CREBRF: variants seen among roughly 807,000 people sequenced by gnomAD.
CREBRF encodes the protein UPF0474 protein C5orf41.
CREBRF carries 5 observed loss-of-function variants against 66.1 expected under a neutral mutation model. That is an observed-to-expected ratio of 0.08 (90% confidence interval 0.04 to 0.16). The LOEUF (loss-of-function observed/expected upper bound fraction) is 0.16. CREBRF is among the 10% of genes least tolerant of loss of function. CREBRF has a pLI of 1.00. For missense variants in CREBRF, 531 were observed against 744.9 expected (o/e 0.71, Z 3.34); for synonymous variants, 229 against 264.4 (o/e 0.87, Z 1.30).
intron 7 of CREBRF, among the ~76,000 whole-genome samples, chr5:173,120,382 TTTC>T (rs1759110589): frequency 6.7e-6 from 1 of 149,248 alleles, no homozygotes; most frequent in Non-Finnish European, 1.5e-5. Flanking sequence ...TCTTTCTTTC[TTTC>T]TTTTTTTTTT....
chr5:173,100,436 T>A (rs1758601256), intron 4 of CREBRF, among the ~76,000 whole-genome samples: 1 of 152,002 alleles, frequency 6.6e-6, no homozygotes. Flanking sequence ...CTTTTCTTTT[T>A]TTTTTGGAGA....
intron 4 of CREBRF, among the ~76,000 whole-genome samples, chr5:173,095,216 T>A (rs1758448613): frequency 7.5e-6 from 1 of 132,650 alleles, no homozygotes; most frequent in Non-Finnish European, 1.6e-5. Flanking sequence ...TGAGATGGAG[T>A]CTCGTTCTGT....
chr5:173,106,882 G>A (rs960290478), intron 4 of CREBRF, among the ~76,000 whole-genome samples: 4 of 151,740 alleles, frequency 2.6e-5, no homozygotes, highest in African/African-American at 4.8e-5. Flanking sequence ...CCTGAGTAGC[G>A]GGGATTACAG....
At chr5:173,113,602 C>G (rs1758918428) in intron 7 of CREBRF, among the ~76,000 whole-genome samples, 1 of 152,174 alleles carries the variant, frequency 6.6e-6, no homozygotes. Context: ...GTCACTGCAC[C>G]CGGGCCCAAG....
intron 1 of CREBRF, among the ~76,000 whole-genome samples, chr5:173,065,311 G>A (rs1757402294): frequency 6.6e-6 from 1 of 152,198 alleles, no homozygotes; most frequent in Non-Finnish European, 1.5e-5. Flanking sequence ...TTGAGCTAAG[G>A]CAGAGGTGGG....
At chr5:173,073,704 A>C (rs1757662008) in intron 1 of CREBRF, among the ~76,000 whole-genome samples, 1 of 152,266 alleles carries the variant, frequency 6.6e-6, no homozygotes, top group African/African-American at 2.4e-5. Flanking sequence ...GCAGTGGCTT[A>C]CGCCTGTAAT....
At chr5:173,086,680 G>A in intron 3 of CREBRF, 54 bp downstream of exon 3, 1 of 1,517,396 alleles carries the variant, frequency 6.6e-7, no homozygotes, top group Non-Finnish European at 8.8e-7. Flanking sequence ...AAAAGTTTGT[G>A]GGAGAGTTTT....
chr5:173,072,086 TTAA>T (rs1459500883), intron 1 of CREBRF, among the ~76,000 whole-genome samples: 1 of 152,004 alleles, frequency 6.6e-6, no homozygotes, highest in East Asian at 1.9e-4. Context: ...TCATTAATTT[TTAA>T]TAATTATTAA....
At chr5:173,133,040 A>G (rs1414360285) in intron 8 of CREBRF, among the ~76,000 whole-genome samples, 1 of 152,196 alleles carries the variant, frequency 6.6e-6, no homozygotes, top group African/African-American at 2.4e-5. Context: ...TGGTCTTACT[A>G]TGGAAGATGA....
At chr5:173,094,329 G>A (rs919000424) in intron 4 of CREBRF, among the ~76,000 whole-genome samples, 6 of 152,104 alleles carry the variant, frequency 3.9e-5, no homozygotes, top group Non-Finnish European at 5.9e-5. Flanking sequence ...TCATATGATC[G>A]TTCTATTTTT....
intron 1 of CREBRF, among the ~76,000 whole-genome samples, chr5:173,079,794 A>G (rs1757881904): frequency 6.6e-6 from 1 of 152,190 alleles, no homozygotes; most frequent in African/African-American, 2.4e-5. Context: ...AGACCCACTG[A>G]TCTTGGACAG....
intron 7 of CREBRF, among the ~76,000 whole-genome samples, chr5:173,122,730 T>C (rs1449292373): frequency 7.4e-6 from 1 of 134,686 alleles, no homozygotes; most frequent in Admixed American, 7.4e-5. Flanking sequence ...GTATATCTCC[T>C]AATGCTATCC....
rs1182837431 is a variant in CREBRF at position 173,135,684 on chromosome 5, T to C, written c.*1939T>C. On this transcript the variant is annotated 3_prime_UTR_variant, in exon 9 of 9. Coordinates refer to ENST00000296953, the MANE Select transcript of CREBRF (RefSeq NM_153607.3). ...AATTTGTTCTTTTCTTTTACTTTGT[T>C]ACCCCATTTGTAAGCTATAGCATAT... The C allele has an allele frequency of 2.0e-5, 3 of 152,222 alleles. No individual in the cohort carries two copies. Among genetic ancestry groups the C allele is most frequent in the African/African-American group, 7.2e-5 (3 of 41,438 alleles). 9.4% of individuals were successfully genotyped at this position (152,222 alleles called of 1,614,324 possible). A position where few individuals can be genotyped will look rare whatever the true frequency, so the allele number is the denominator to read the frequency against.
At chr5:173,097,537 G>T (rs577835679) in intron 4 of CREBRF, among the ~76,000 whole-genome samples, 7 of 152,218 alleles carry the variant, frequency 4.6e-5, no homozygotes, top group Admixed American at 3.3e-4. Context: ...GAGCCCTCGT[G>T]CCTGGCCGAC....
At chr5:173,120,385 C>CTTT (rs567092558) in intron 7 of CREBRF, among the ~76,000 whole-genome samples, 1 of 144,162 alleles carries the variant, frequency 6.9e-6, no homozygotes, top group Non-Finnish European at 1.5e-5. Flanking sequence ...TTCTTTCTTT[C>CTTT]TTTTTTTTTT....
chr5:173,092,940 A>G (rs1194909775), intron 4 of CREBRF, among the ~76,000 whole-genome samples: 5 of 152,232 alleles, frequency 3.3e-5, no homozygotes, highest in Non-Finnish European at 7.3e-5. Context: ...TTTACAATAC[A>G]GGAAAATTTT....
intron 1 of CREBRF, among the ~76,000 whole-genome samples, chr5:173,058,010 G>C (rs919422289): frequency 1.6e-4 from 24 of 150,870 alleles, no homozygotes; most frequent in Admixed American, 7.3e-4. Context: ...CCCTGCAGGT[G>C]AAAAATAGGA....
intron 4 of CREBRF, among the ~76,000 whole-genome samples, chr5:173,105,231 G>A (rs1758721622): frequency 6.7e-6 from 1 of 150,006 alleles, no homozygotes; most frequent in South Asian, 2.2e-4. Context: ...ATATATGTGT[G>A]TGTGTGTGTG....
chr5:173,102,574 A>G (rs1758652615), intron 4 of CREBRF, among the ~76,000 whole-genome samples: 1 of 152,074 alleles, frequency 6.6e-6, no homozygotes, highest in South Asian at 2.1e-4. Flanking sequence ...ATTTGGGGTC[A>G]GTCTGAAACC....
Sources: gnomAD v4.1 joint callset for allele counts (sites outside exome capture counted in the v4.1 genomes callset) on GRCh38, gnomAD v4.1.1 for gene constraint, MANE v1.5 for transcripts, NCBI Gene and HGNC (gene_info 2026-07-23, HGNC 2026-07-21) for gene names.